Variants in MAST4 observed in about 807,000 individuals in gnomAD.
MAST4 encodes the protein microtubule-associated serine/threonine-protein kinase 4.
MAST4 carries 89 observed loss-of-function variants against 162.7 expected under a neutral mutation model. The ratio of observed to expected loss-of-function variants is 0.55; its 90% confidence interval spans 0.46 to 0.65. MAST4 has a LOEUF of 0.65. Among genes scored for constraint, MAST4 ranks in the 30% least tolerant of loss-of-function variants. The pLI, the probability that MAST4 is intolerant of heterozygous loss-of-function variation, is 0.00. For missense variants in MAST4, 3,153 were observed against 3,374.0 expected (o/e 0.93, Z 1.62); for synonymous variants, 1,479 against 1,361.1 (o/e 1.09, Z -1.91).
chr5:67,116,354 T>A (rs994538565), intron 12 of MAST4, among the ~76,000 whole-genome samples: 2 of 151,566 alleles, frequency 1.3e-5, no homozygotes, highest in African/African-American at 4.8e-5. Context: ...TACAGACGTG[T>A]GTCACCATGC....
At chr5:66,757,806 T>C (rs1206781547) in intron 1 of MAST4, among the ~76,000 whole-genome samples, 5 of 152,178 alleles carry the variant, frequency 3.3e-5, no homozygotes, top group Non-Finnish European at 5.9e-5. Flanking sequence ...CTGAAAAGTT[T>C]CTAATTTAAA....
intron 1 of MAST4, among the ~76,000 whole-genome samples, chr5:66,712,672 A>G (rs1471627914): frequency 6.6e-6 from 1 of 152,184 alleles, no homozygotes; most frequent in African/African-American, 2.4e-5. Flanking sequence ...GTTCCAGGAA[A>G]TACCCTTTGA....
chr5:67,005,013 A>C (rs556447793), intron 4 of MAST4: 1 of 774,468 alleles, frequency 1.3e-6, no homozygotes, highest in Non-Finnish European at 2.4e-6. Flanking sequence ...TCTGACCCCA[A>C]TTTTTGGACT....
chr5:66,837,892 ATAT>A (rs1189323406), intron 3 of MAST4, among the ~76,000 whole-genome samples: 37 of 35,022 alleles, frequency 1.1e-3, no homozygotes, highest in South Asian at 2.2e-3. Context: ...ATATATATAT[ATAT>A]TTTTTTTTTT....
chr5:66,915,351 T>C (rs908058332), intron 4 of MAST4, among the ~76,000 whole-genome samples: 11 of 151,978 alleles, frequency 7.2e-5, no homozygotes, highest in Non-Finnish European at 1.3e-4. Context: ...AGGAGAAATA[T>C]TTGTTCTCTT....
In MAST4 at chr5:66,759,718, A is replaced by G. The variant is rs780573540; in HGVS notation, c.373A>G (p.Ile125Val). The change falls in exon 2 of 29, where the codon ATA (isoleucine) becomes GTA (valine). Residue 125 changes from isoleucine (I) to valine (V), a missense_variant. Physicochemically the swap from Ile to Val is conservative, Grantham distance 29. Transcript: ENST00000403625. The part of the protein sequence containing the change: ...QEEQDEELDH[I>V]LSPPPMPFRK... Reference sequence around the variant, plus strand: ...CTTCCTCTTTCTGCAGCTTGACCACATATTATCCCCTCCACCCATGCCGTT... The same window carrying G: ...CTTCCTCTTTCTGCAGCTTGACCACGTATTATCCCCTCCACCCATGCCGTT... The G allele has an allele frequency of 1.2e-6, 2 of 1,613,712 alleles. No individual in the cohort carries two copies. Among genetic ancestry groups the G allele is most frequent in the Non-Finnish European group, 1.7e-6 (2 of 1,179,830 alleles).
At chr5:67,143,026 CAG>C (rs1327019391) in intron 21 of MAST4, 1 of 154,470 alleles carries the variant, frequency 6.5e-6, no homozygotes, top group Non-Finnish European at 1.4e-5. Flanking sequence ...TCACTGTGTA[CAG>C]AGTCATCTCC....
At chr5:66,977,528 G>A (rs1305657523) in intron 4 of MAST4, among the ~76,000 whole-genome samples, 2 of 152,130 alleles carry the variant, frequency 1.3e-5, no homozygotes, top group Non-Finnish European at 2.9e-5. Context: ...CATTTGGGGG[G>A]AAAAGAAAAC....
intron 3 of MAST4, among the ~76,000 whole-genome samples, chr5:66,873,846 T>C (rs536729320): frequency 2.0e-4 from 31 of 152,358 alleles, no homozygotes; most frequent in African/African-American, 7.5e-4. Context: ...CATTCCTTAT[T>C]CCTTGCAAAG....
intron 1 of MAST4, among the ~76,000 whole-genome samples, chr5:66,603,914 T>C (rs1742710420): frequency 6.6e-6 from 1 of 152,226 alleles, no homozygotes; most frequent in Non-Finnish European, 1.5e-5. Flanking sequence ...TTGATGATGT[T>C]ATTTTAGGTT....
intron 5 of MAST4, among the ~76,000 whole-genome samples, chr5:67,077,110 G>A (rs1366034316): frequency 2.0e-5 from 3 of 152,134 alleles, no homozygotes; most frequent in African/African-American, 7.2e-5. Context: ...GTCTGGCCTG[G>A]TCTGGCCTAT....
At chr5:67,094,042 T>A in intron 6 of MAST4, 1 of 566,682 alleles carries the variant, frequency 1.8e-6, no homozygotes, top group South Asian at 4.3e-5. Flanking sequence ...TTAAAAGTAT[T>A]TCAAAAGAAC....
chr5:66,706,389 A>G (rs114551343), intron 1 of MAST4, among the ~76,000 whole-genome samples: 1,621 of 152,198 alleles, frequency 0.011, 29 homozygotes, highest in African/African-American at 0.037. Context: ...ATAATGCCAT[A>G]TGAAACGGGA....
chr5:66,626,424 G>C (rs563537856), intron 1 of MAST4, among the ~76,000 whole-genome samples: 50 of 152,250 alleles, frequency 3.3e-4, no homozygotes, highest in Non-Finnish European at 5.1e-4. Flanking sequence ...CACTACTGAT[G>C]GTTCTCACTG....
In MAST4 at chr5:66,873,011, G is replaced by A. The variant is rs1020014926; in HGVS notation, c.643-26940G>A. On this transcript the variant is annotated intron_variant, in intron 3 of 28. Coordinates refer to ENST00000403625, the MANE Select transcript of MAST4 (RefSeq NM_001164664.2). ...ATAAATTAGCTAACTTTCTTCTACT[G>A]GTGGTGAGAGTCTTTTTGCTGTTCC... 2.6e-5 allele frequency among the ~76,000 whole-genome samples: 4 copies of A among 152,154 alleles called. No homozygotes were observed. The East Asian group carries it at 7.7e-4, about 29-fold the overall frequency.
rs184672955 is a variant in MAST4 at position 66,768,072 on chromosome 5, C to A, written c.517+8210C>A. ...GAAGTGAGAGTGGGATGGGATAAGACAAAATAGTCATTAAGGAATCAGAGA... is the reference window on the plus strand; with the variant it reads ...GAAGTGAGAGTGGGATGGGATAAGAAAAAATAGTCATTAAGGAATCAGAGA... On this transcript the variant is annotated intron_variant, in intron 2 of 28. Coordinates refer to ENST00000403625, the MANE Select transcript of MAST4 (RefSeq NM_001164664.2). 5.9e-3 allele frequency among the ~76,000 whole-genome samples: 893 copies of A among 152,002 alleles called. 15 individuals are homozygous for A. The highest frequency in any genetic ancestry group is 0.011 in the South Asian group (55 of 4,812).
At chr5:66,774,491 A>G (rs765037029) in intron 2 of MAST4, among the ~76,000 whole-genome samples, 9 of 152,196 alleles carry the variant, frequency 5.9e-5, no homozygotes, top group Non-Finnish European at 8.8e-5. Context: ...CTACATTCAG[A>G]TTCCATTCCA....
At chr5:67,068,174 C>T (rs545913595) in intron 5 of MAST4, among the ~76,000 whole-genome samples, 1 of 152,286 alleles carries the variant, frequency 6.6e-6, no homozygotes, top group South Asian at 2.1e-4. Context: ...TCTCTGGGTC[C>T]TGAACACAGT....
At chr5:67,116,730 C>T (rs557256449) in intron 12 of MAST4, among the ~76,000 whole-genome samples, 15 of 152,034 alleles carry the variant, frequency 9.9e-5, no homozygotes, top group South Asian at 2.1e-4. Flanking sequence ...GCAGGAGAAT[C>T]GCTCGAACCC....
Sources: gnomAD v4.1 joint callset for allele counts (sites outside exome capture counted in the v4.1 genomes callset) on GRCh38, gnomAD v4.1.1 for gene constraint, MANE v1.5 for transcripts, NCBI Gene and HGNC (gene_info 2026-07-23, HGNC 2026-07-21) for gene names.